ANKS1B: variants seen among roughly 807,000 people sequenced by gnomAD.
ANKS1B encodes the protein ankyrin repeat and sterile alpha motif domain-containing protein 1B.
In ANKS1B, 36 loss-of-function variants were observed where a neutral mutation model predicts 148.3. The observed-to-expected ratio is 0.24, with a 90% confidence interval of 0.19 to 0.32. The LOEUF is 0.32. Ranked by LOEUF, ANKS1B falls within the 10% of genes least tolerant of loss-of-function variation. The probability of loss-of-function intolerance (pLI) is 1.00; values close to 1 mark genes in which losing one functional copy is unlikely to be tolerated. For missense variants in ANKS1B, 1,157 were observed against 1,542.6 expected (o/e 0.75, Z 4.19); for synonymous variants, 542 against 560.8 (o/e 0.97, Z 0.47).
chr12:99,054,503 A>G (rs760899561), intron 16 of ANKS1B, among the ~76,000 whole-genome samples: 5 of 151,898 alleles, frequency 3.3e-5, no homozygotes, highest in African/African-American at 9.7e-5. Context: ...TCCGCTCCCC[A>G]TTCTAGTTTC....
intron 15 of ANKS1B, among the ~76,000 whole-genome samples, chr12:99,120,175 C>G (rs959137248): frequency 1.3e-5 from 2 of 152,140 alleles, no homozygotes; most frequent in African/African-American, 4.8e-5. Flanking sequence ...TGCCAATTCA[C>G]CTAGCATTAA....
Position 99,984,931 on chromosome 12 carries a change from C to T in ANKS1B, c.-694G>A, listed in dbSNP as rs975002155. 6.6e-5 allele frequency among the ~76,000 whole-genome samples: 10 copies of T among 150,688 alleles called. No homozygotes were observed. Among genetic ancestry groups the T allele is most frequent in the Admixed American group, 4.0e-4 (6 of 15,120 alleles). ...CCCTGGTGCGGCCCGAGTTGGGTGG[C>T]GGGCTGGCGGGGAGGGGCCGGGCCG... On this transcript the variant is annotated 5_prime_UTR_variant, in exon 1 of 27. Transcript: ENST00000683438.
At chr12:99,338,452 C>T (rs1669223553) in intron 12 of ANKS1B, among the ~76,000 whole-genome samples, 1 of 152,116 alleles carries the variant, frequency 6.6e-6, no homozygotes, top group Non-Finnish European at 1.5e-5. Context: ...AGGGAAGGTC[C>T]AGAAATGTCA....
intron 16 of ANKS1B, among the ~76,000 whole-genome samples, chr12:99,080,771 A>C (rs1205500063): frequency 6.6e-6 from 1 of 152,246 alleles, no homozygotes; most frequent in Non-Finnish European, 1.5e-5. Context: ...TGTTGAAAAT[A>C]AGTAATCAGG....
intron 25 of ANKS1B, among the ~76,000 whole-genome samples, chr12:98,767,051 T>A (rs2098492311): frequency 6.7e-6 from 1 of 149,694 alleles, no homozygotes. Context: ...ACTCCTGGAG[T>A]CAAGTGATCC....
rs115904952 is a variant in ANKS1B, at chr12:98,970,127, C to G, written c.2778+83030G>C. On this transcript the variant is annotated intron_variant, in intron 17 of 26. Transcript: ENST00000683438. ...CTCTAATGGAGTTTTGCTTTCAAGACTGGGCACAACTCTTCTCAATATGTA... is the reference window on the plus strand; with the variant it reads ...CTCTAATGGAGTTTTGCTTTCAAGAGTGGGCACAACTCTTCTCAATATGTA... Among the ~76,000 whole-genome samples the G allele has an allele frequency of 3.1e-3, 479 of 152,292 alleles. 2 individuals are homozygous for G. Among genetic ancestry groups the G allele is most frequent in the African/African-American group, 0.011 (455 of 41,554 alleles).
chr12:99,004,067 G>A (rs538688202), intron 17 of ANKS1B, among the ~76,000 whole-genome samples: 1 of 152,276 alleles, frequency 6.6e-6, no homozygotes, highest in East Asian at 1.9e-4. Context: ...ACTTAAACGT[G>A]GATGTGATGC....
intron 17 of ANKS1B, among the ~76,000 whole-genome samples, chr12:98,846,968 G>A (rs2099479693): frequency 6.6e-6 from 1 of 152,292 alleles, no homozygotes; most frequent in East Asian, 1.9e-4. Context: ...GTAAAAGGTT[G>A]TACGTATTTA....
rs182186073 is a variant in ANKS1B at position 99,642,227 on chromosome 12, A to G, written c.1272+12840T>C. Among the ~76,000 whole-genome samples the G allele has an allele frequency of 6.5e-4, 99 of 152,344 alleles. 1 individual carries two copies. The highest frequency in any genetic ancestry group is 3.4e-3 in the Middle Eastern group (1 of 294). On this transcript the variant is annotated intron_variant, in intron 9 of 26. Transcript: ENST00000683438. ...CTAGATCACACAAATGCTTGACAGG[A>G]AAGCTGAAATGCATTTTTCTGTAAA...
intron 12 of ANKS1B, among the ~76,000 whole-genome samples, chr12:99,321,423 C>G (rs2085250817): frequency 6.6e-6 from 1 of 152,226 alleles, no homozygotes; most frequent in Non-Finnish European, 1.5e-5. Context: ...CCTCCCCCAG[C>G]CTCGCTGCCG....
intron 17 of ANKS1B, among the ~76,000 whole-genome samples, chr12:99,046,996 G>C (rs2099962905): frequency 6.6e-6 from 1 of 151,792 alleles, no homozygotes. Flanking sequence ...AGAGAAAAAA[G>C]ACTGAAAAAA....
At chr12:98,940,868 T>G (rs2099835589) in intron 17 of ANKS1B, among the ~76,000 whole-genome samples, 1 of 152,180 alleles carries the variant, frequency 6.6e-6, no homozygotes, top group Non-Finnish European at 1.5e-5. Context: ...TCAAAAAATA[T>G]TTACTAACAT....
chr12:99,981,736 G>C (rs1188141256), intron 1 of ANKS1B, among the ~76,000 whole-genome samples: 2 of 152,048 alleles, frequency 1.3e-5, no homozygotes, highest in Non-Finnish European at 2.9e-5. Context: ...GACCTCCTAA[G>C]GCTGACACAA....
chr12:99,853,511 A>G (rs1180167591), intron 1 of ANKS1B, among the ~76,000 whole-genome samples: 1 of 152,158 alleles, frequency 6.6e-6, no homozygotes, highest in Non-Finnish European at 1.5e-5. Flanking sequence ...GGCTCTCAGG[A>G]ATCCCCATCA....
chr12:99,330,035 A>C (rs1037054678), intron 12 of ANKS1B, among the ~76,000 whole-genome samples: 1 of 151,934 alleles, frequency 6.6e-6, no homozygotes, highest in African/African-American at 2.4e-5. Context: ...CAAACCTAAG[A>C]ATTAAGTGTA....
intron 1 of ANKS1B, among the ~76,000 whole-genome samples, chr12:99,875,387 G>A (rs1330779659): frequency 6.6e-6 from 1 of 151,792 alleles, no homozygotes; most frequent in Non-Finnish European, 1.5e-5. Flanking sequence ...TGTATAGAGT[G>A]CTTTATCAAG....
intron 17 of ANKS1B, among the ~76,000 whole-genome samples, chr12:98,847,391 T>A (rs1310488333): frequency 6.6e-6 from 1 of 152,224 alleles, no homozygotes; most frequent in East Asian, 1.9e-4. Context: ...TTATTTCACT[T>A]AGCATAATGT....
At chr12:99,019,896 G>A (rs2099944757) in intron 17 of ANKS1B, among the ~76,000 whole-genome samples, 1 of 152,108 alleles carries the variant, frequency 6.6e-6, no homozygotes, top group African/African-American at 2.4e-5. Context: ...AGAACTTGTA[G>A]AATTTCAATA....
chr12:99,776,839 C>G (rs1005810844), intron 6 of ANKS1B, among the ~76,000 whole-genome samples: 2 of 152,062 alleles, frequency 1.3e-5, no homozygotes, highest in African/African-American at 4.8e-5. Context: ...TGCCACCACA[C>G]CCGGCTCATT....
Sources: gnomAD v4.1 joint callset for allele counts (sites outside exome capture counted in the v4.1 genomes callset) on GRCh38, gnomAD v4.1.1 for gene constraint, MANE v1.5 for transcripts, NCBI Gene and HGNC (gene_info 2026-07-23, HGNC 2026-07-21) for gene names.